The following ANKDD1B variants were observed in gnomAD, a reference collection of about 807,000 sequenced individuals.
ANKDD1B encodes ankyrin repeat and death domain-containing protein 1B.
Under a neutral mutation model 59.7 loss-of-function variants are expected in ANKDD1B, and 57 were observed. That is an observed-to-expected ratio of 0.95 (90% CI 0.77 to 1.19). The LOEUF (loss-of-function observed/expected upper bound fraction) is 1.19, where lower values mean the gene tolerates loss of function less well. Ranked by LOEUF, ANKDD1B falls within the 50% of genes most tolerant of loss-of-function variation. ANKDD1B has a pLI of 0.00. For missense variants in ANKDD1B, 602 were observed against 641.9 expected, an observed-to-expected ratio of 0.94 and a Z score of 0.67; for synonymous variants, 216 against 239.5, an observed-to-expected ratio of 0.90 and a Z score of 0.91.
At chr5:75,644,896 A>G (rs1389645958) in intron 7 of ANKDD1B, among the ~76,000 whole-genome samples, 2 of 103,692 alleles carry the variant, frequency 1.9e-5, no homozygotes, top group East Asian at 2.5e-4. Context: ...ATAACAAACT[A>G]TCTCTCAGAC....
intron 2 of ANKDD1B, among the ~76,000 whole-genome samples, chr5:75,619,942 G>C (rs771457243): frequency 3.3e-5 from 5 of 152,180 alleles, no homozygotes; most frequent in Non-Finnish European, 5.9e-5. Flanking sequence ...TGCATTATTA[G>C]TATATTCTAA....
In ANKDD1B at chr5:75,611,594, G is replaced by T; in HGVS notation, c.-41G>T. On this transcript the variant is annotated 5_prime_UTR_variant, in exon 1 of 14. Transcript: ENST00000601380. ...AGTCTGGGTCTGGATCTGGGTCCGA[G>T]TCTGGGTCTGGCCCTGCGCTCAGGG... 2 of 1,226,716 alleles carry T rather than the reference G, an allele frequency of 1.6e-6. No homozygotes were observed. Among genetic ancestry groups the T allele is most frequent in the Non-Finnish European group, 2.0e-6 (2 of 984,978 alleles). The allele number at this position is 1,226,716 out of a possible 1,614,324, so 76.0% of individuals were successfully genotyped here. A position where few individuals can be genotyped will look rare whatever the true frequency, so the allele number is the denominator to read the frequency against.
Position 75,611,814 on chromosome 5 carries a change from C to T in ANKDD1B, c.180C>T (p.Ala60=), listed in dbSNP as rs774875247. 2.4e-6 allele frequency: 3 copies of T among 1,231,892 alleles called. No individual in the cohort carries two copies. Among genetic ancestry groups the T allele is most frequent in the East Asian group, 6.3e-5 (2 of 31,680 alleles). The allele number at this position is 1,231,892 out of a possible 1,614,324, so 76.3% of individuals were successfully genotyped here. A position where few individuals can be genotyped will look rare whatever the true frequency, so the allele number is the denominator to read the frequency against. ...TTGGAGAGGAGGACACAGCAGTTGC[C>T]GGACACGAGCTCCGTGAGTCCCGGG... The part of the protein sequence containing the change: ...EGLGEEDTAV[A]GHELLLPNER... The change falls in exon 1 of 14, where the codon GCC becomes GCT. Residue 60 remains alanine (A), a synonymous_variant. Transcript: ENST00000601380.
At chr5:75,611,977 C>T in intron 1 of ANKDD1B, 150 bp downstream of exon 1, 2 of 547,592 alleles carry the variant, frequency 3.7e-6, no homozygotes, top group South Asian at 9.9e-5. Flanking sequence ...TCCCAGCCTG[C>T]ACCGCTGCAC....
intron 5 of ANKDD1B, among the ~76,000 whole-genome samples, chr5:75,630,905 G>A (rs564973719): frequency 1.3e-5 from 2 of 152,184 alleles, no homozygotes; most frequent in African/African-American, 2.4e-5. Context: ...ATATCCTTAT[G>A]GATTTCAATC....
At chr5:75,655,922 C>T (rs7714554) in intron 8 of ANKDD1B, 107 bp from the exon 9 acceptor site, 34,531 of 592,404 alleles carry the variant, frequency 0.058, 1,760 homozygotes, top group South Asian at 0.18. Context: ...TGGGCAGTTT[C>T]GGTACTTGGG....
chr5:75,670,925 AATC>A, intron 13 of ANKDD1B, 51 bp from the exon 14 acceptor site: 1 of 647,810 alleles, frequency 1.5e-6, no homozygotes, highest in East Asian at 3.4e-5. Flanking sequence ...CCTGGTAGAC[AATC>A]AGTGCTTTAA....
At position 75,625,929 on chromosome 5, in the gene ANKDD1B, C is replaced by T. The variant is rs895835259; in HGVS notation, c.574C>T (p.Leu192Phe). The T allele has an allele frequency of 4.6e-6, 7 of 1,535,950 alleles. No individual in the cohort carries two copies. The highest frequency in any genetic ancestry group is 6.1e-6 in the Non-Finnish European group (7 of 1,146,838). The change falls in exon 5 of 14, where the codon CTC becomes TTC. Residue 192 changes from leucine (L) to phenylalanine (F), a missense_variant. Physicochemically the swap from Leu to Phe is conservative, Grantham distance 22 (BLOSUM62 0). Coordinates refer to ENST00000601380, the MANE Select transcript of ANKDD1B (RefSeq NM_001276713.2). ...GGAGTATCTTATTCAAGATCTGCAC[C>T]TCAAGGACCTGAACCAGCCTGATGA... ...IVEYLIQDLH[L>F]KDLNQPDEKG...
At chr5:75,648,351 A>C (rs1774715218) in intron 7 of ANKDD1B, among the ~76,000 whole-genome samples, 1 of 151,360 alleles carries the variant, frequency 6.6e-6, no homozygotes, top group Admixed American at 6.6e-5. Context: ...TACAGTCATT[A>C]CACAGGTGCC....
chr5:75,621,215 C>A (rs1773838630), intron 3 of ANKDD1B, among the ~76,000 whole-genome samples: 1 of 152,204 alleles, frequency 6.6e-6, no homozygotes, highest in South Asian at 2.1e-4. Flanking sequence ...ATTTCCCCTA[C>A]CTTCTCTGTT....
Position 75,637,270 on chromosome 5 carries a change from AAAAG to A in ANKDD1B, c.798+1396_798+1399del, listed in dbSNP as rs1561439322. ...AAAAAAAAAAAAAAAAAAAAAAAAA[AAAAG>A]AAAGAAAAAAGAAACTGGTTCTGGA... On this transcript the variant is annotated intron_variant, in intron 7 of 13. Transcript: ENST00000601380. Among the ~76,000 whole-genome samples, 657 of 141,920 alleles carry A rather than the reference AAAAG, an allele frequency of 4.6e-3. 3 individuals are homozygous for A. The highest frequency in any genetic ancestry group is 0.017 in the African/African-American group (620 of 35,712). 93.1% of individuals were successfully genotyped at this position (141,920 alleles called of 152,430 possible).
intron 2 of ANKDD1B, among the ~76,000 whole-genome samples, chr5:75,618,890 C>G (rs539665356): frequency 1.3e-5 from 2 of 152,076 alleles, no homozygotes; most frequent in South Asian, 4.1e-4. Flanking sequence ...GGATTACAGA[C>G]GCACGCCACC....
At chr5:75,623,029 T>C (rs188147943) in intron 3 of ANKDD1B, among the ~76,000 whole-genome samples, 7 of 152,262 alleles carry the variant, frequency 4.6e-5, no homozygotes, top group Non-Finnish European at 2.9e-5. Context: ...TAGGGAAAAA[T>C]AGATCTCCTA....
Position 75,653,309 on chromosome 5 carries a change from C to T in ANKDD1B, c.897+69C>T, listed in dbSNP as rs1009573172. On this transcript the variant is annotated intron_variant, in intron 8 of 13. Coordinates refer to ENST00000601380, the MANE Select transcript of ANKDD1B (RefSeq NM_001276713.2). ...AGGTTGGCTGTGTCAGGGAGATGCC[C>T]CTTGCAGATACGTGTAGGAGATGAG... 62 of 1,056,004 alleles carry T rather than the reference C, an allele frequency of 5.9e-5. No homozygotes were observed. The African/African-American group carries it at 9.0e-4, about 15-fold the overall frequency. 65.4% of individuals were successfully genotyped at this position (1,056,004 alleles called of 1,614,324 possible). A position where few individuals can be genotyped will look rare whatever the true frequency, so the allele number is the denominator to read the frequency against.
rs1475752675 is a variant in ANKDD1B at position 75,646,753 on chromosome 5, T to G, written c.799-6389T>G. ...TTCACAGAATTGGAAAAAACTACTT[T>G]AAAGTTCATATGGAACCAAAAAACA... On this transcript the variant is annotated intron_variant, in intron 7 of 13. Transcript: ENST00000601380. 9.3e-3 allele frequency among the ~76,000 whole-genome samples: 888 copies of G among 95,476 alleles called. 41 individuals are homozygous for G. Among genetic ancestry groups the G allele is most frequent in the Non-Finnish European group, 0.011 (647 of 56,540 alleles). The allele number at this position is 95,476 out of a possible 152,430, so 62.6% of individuals were successfully genotyped here.
chr5:75,619,906 T>C (rs372426037), intron 2 of ANKDD1B, among the ~76,000 whole-genome samples: 3 of 152,340 alleles, frequency 2.0e-5, no homozygotes, highest in East Asian at 3.9e-4. Context: ...CACGAGTGGA[T>C]TGAATATCTA....
intron 8 of ANKDD1B, among the ~76,000 whole-genome samples, chr5:75,653,751 T>G (rs2111999029): frequency 6.6e-6 from 1 of 152,356 alleles, no homozygotes; most frequent in East Asian, 1.9e-4. Flanking sequence ...ATTTTTCCAC[T>G]CTATTTTCAT....
intron 2 of ANKDD1B, among the ~76,000 whole-genome samples, chr5:75,617,784 T>C (rs1581128073): frequency 6.6e-6 from 1 of 152,346 alleles, no homozygotes; most frequent in East Asian, 1.9e-4. Flanking sequence ...TTTCTGACTC[T>C]GGCTTTAAGG....
chr5:75,670,598 A>G (rs1274690124), intron 13 of ANKDD1B, among the ~76,000 whole-genome samples: 1 of 152,230 alleles, frequency 6.6e-6, no homozygotes, highest in Non-Finnish European at 1.5e-5. Flanking sequence ...GTATTTATGT[A>G]AAATTGAAGA....
Sources: allele counts gnomAD v4.1 joint callset (sites outside exome capture counted in the v4.1 genomes callset), GRCh38; gene constraint gnomAD v4.1.1; transcripts MANE v1.5; gene names NCBI Gene and HGNC (gene_info 2026-07-23, HGNC 2026-07-21).